Variants in CPED1 observed in about 807,000 individuals in gnomAD.
CPED1 encodes the protein cadherin like and PC-esterase domain containing 1, also known as cadherin-like and PC-esterase domain-containing protein 1.
A neutral mutation model predicts 128.2 loss-of-function variants in CPED1; 114 were observed. The ratio of observed to expected loss-of-function variants is 0.89; its 90% CI spans 0.76 to 1.04. CPED1 has a LOEUF of 1.04. Among genes scored for constraint, CPED1 ranks in the 50% least tolerant of loss-of-function variants. The pLI, the probability that CPED1 is intolerant of heterozygous loss-of-function variation, is 0.00. For synonymous variants in CPED1, 462 were observed against 426.7 expected, an observed-to-expected ratio of 1.08 and a Z score of -1.02; for missense variants, 1,211 against 1,207.1, an observed-to-expected ratio of 1.00 and a Z score of -0.05.
intron 22 of CPED1, among the ~76,000 whole-genome samples, chr7:121,279,853 C>T (rs528526152): frequency 3.3e-5 from 5 of 152,202 alleles, no homozygotes; most frequent in South Asian, 2.1e-4. Flanking sequence ...GTAAAGTTGG[C>T]GTGTGAAGGG....
intron 21 of CPED1, among the ~76,000 whole-genome samples, chr7:121,267,688 AG>A (rs1174470857): frequency 6.6e-6 from 1 of 152,026 alleles, no homozygotes; most frequent in Non-Finnish European, 1.5e-5. Flanking sequence ...CAGTTCTTAT[AG>A]AAGATAGTAA....
At chr7:121,013,061 G>A (rs1792202328) in intron 2 of CPED1, among the ~76,000 whole-genome samples, 1 of 152,128 alleles carries the variant, frequency 6.6e-6, no homozygotes, top group Admixed American at 6.5e-5. Context: ...TGTGACATGG[G>A]GATTCTGGAT....
chr7:121,190,783 A>G (rs1431964297), intron 16 of CPED1, among the ~76,000 whole-genome samples: 1 of 152,158 alleles, frequency 6.6e-6, no homozygotes, highest in Non-Finnish European at 1.5e-5. Context: ...TTCAAATAAT[A>G]CAGTCTCTCA....
At chr7:121,105,840 G>A (rs1423603970) in intron 7 of CPED1, among the ~76,000 whole-genome samples, 2 of 151,936 alleles carry the variant, frequency 1.3e-5, no homozygotes, top group South Asian at 4.1e-4. Flanking sequence ...TTCCCAACTT[G>A]GTTCTATTAA....
chr7:121,075,700 G>A (rs911028669), intron 5 of CPED1, among the ~76,000 whole-genome samples: 1 of 152,212 alleles, frequency 6.6e-6, no homozygotes, highest in Non-Finnish European at 1.5e-5. Context: ...CTGACCTCAC[G>A]TGATCCACCC....
intron 5 of CPED1, among the ~76,000 whole-genome samples, chr7:121,075,860 A>G (rs1794111384): frequency 6.6e-6 from 1 of 151,994 alleles, no homozygotes; most frequent in Non-Finnish European, 1.5e-5. Flanking sequence ...TTCAACTTTG[A>G]GCTTTTTAAA....
intron 5 of CPED1, among the ~76,000 whole-genome samples, chr7:121,096,561 A>G (rs798933): frequency 0.32 from 48,994 of 152,046 alleles, 8,196 homozygotes; most frequent in Middle Eastern, 0.4. Context: ...GCAATTACAC[A>G]TACCAATACA....
At chr7:121,142,471 T>C (rs1391609449) in intron 16 of CPED1, among the ~76,000 whole-genome samples, 2 of 152,096 alleles carry the variant, frequency 1.3e-5, no homozygotes, top group Admixed American at 1.3e-4. Context: ...CTTGGATTTG[T>C]CCCTGGATCT....
chr7:121,236,468 GT>G (rs1798257644), intron 16 of CPED1, among the ~76,000 whole-genome samples: 1 of 152,052 alleles, frequency 6.6e-6, no homozygotes, highest in African/African-American at 2.4e-5. Flanking sequence ...TATTTTTAAA[GT>G]AAAACTTGCA....
At chr7:121,163,511 T>C (rs969457229) in intron 16 of CPED1, among the ~76,000 whole-genome samples, 8 of 152,232 alleles carry the variant, frequency 5.3e-5, no homozygotes, top group Non-Finnish European at 7.3e-5. Flanking sequence ...AGGCTGCTGC[T>C]TCTGCCTTTG....
intron 3 of CPED1, 104 bp from the exon 4 acceptor site, chr7:121,046,783 G>T: frequency 1.4e-6 from 1 of 708,220 alleles, no homozygotes; most frequent in Non-Finnish European, 2.3e-6. Flanking sequence ...ATTTACTTGT[G>T]TTTCAGAATT....
At position 121,295,899 on chromosome 7, in the gene CPED1, G is replaced by A; in HGVS notation, c.*247G>A. 2 of 364,358 alleles carry A rather than the reference G, an allele frequency of 5.5e-6. No individual in the cohort carries two copies. The highest frequency in any genetic ancestry group is 4.5e-5 in the South Asian group (1 of 22,026). The allele number at this position is 364,358 out of a possible 1,614,324, so 22.6% of individuals were successfully genotyped here. Reference sequence around the variant, plus strand: ...CAGTGAAAGATATACCTAGAGAAACGTTACTTGAAGCATAATTATTAACCA... The same window carrying A: ...CAGTGAAAGATATACCTAGAGAAACATTACTTGAAGCATAATTATTAACCA... On this transcript the variant is annotated 3_prime_UTR_variant, in exon 23 of 23. Coordinates refer to ENST00000310396, the MANE Select transcript of CPED1 (RefSeq NM_024913.5).
intron 16 of CPED1, among the ~76,000 whole-genome samples, chr7:121,171,637 C>T (rs1796650792): frequency 6.6e-6 from 1 of 152,130 alleles, no homozygotes; most frequent in Non-Finnish European, 1.5e-5. Flanking sequence ...GTTGAATCAT[C>T]TTTGTAAGTC....
At chr7:121,077,275 G>C (rs1368648173) in intron 5 of CPED1, among the ~76,000 whole-genome samples, 1 of 151,970 alleles carries the variant, frequency 6.6e-6, no homozygotes, top group Non-Finnish European at 1.5e-5. Context: ...TAGGTTTCTA[G>C]CCATCCATGA....
At chr7:121,054,087 TA>T (rs1793428620) in intron 4 of CPED1, among the ~76,000 whole-genome samples, 1 of 152,224 alleles carries the variant, frequency 6.6e-6, no homozygotes, top group Non-Finnish European at 1.5e-5. Flanking sequence ...GAATGATATT[TA>T]AAAACAAAGA....
intron 7 of CPED1, among the ~76,000 whole-genome samples, chr7:121,102,553 T>C (rs1794878581): frequency 6.6e-6 from 1 of 152,158 alleles, no homozygotes; most frequent in African/African-American, 2.4e-5. Context: ...CTCCGTTATA[T>C]GTCATCAAGG....
chr7:121,023,627 AAG>A (rs1229998472), intron 3 of CPED1, among the ~76,000 whole-genome samples: 1 of 152,188 alleles, frequency 6.6e-6, no homozygotes, highest in Non-Finnish European at 1.5e-5. Context: ...GCACGGGCAG[AAG>A]AGAGAAATAG....
intron 2 of CPED1, among the ~76,000 whole-genome samples, chr7:121,014,705 T>C (rs1317710550): frequency 6.6e-6 from 1 of 152,150 alleles, no homozygotes; most frequent in African/African-American, 2.4e-5. Context: ...ATGGACAGGT[T>C]GACTCACAGC....
chr7:121,068,849 T>A (rs1015541141), intron 5 of CPED1, among the ~76,000 whole-genome samples: 6 of 152,146 alleles, frequency 3.9e-5, no homozygotes, highest in Non-Finnish European at 7.4e-5. Context: ...TAAGTTGGAT[T>A]CCTAGGTATT....
Sources: gnomAD v4.1 joint callset for allele counts (sites outside exome capture counted in the v4.1 genomes callset) on GRCh38, gnomAD v4.1.1 for gene constraint, MANE v1.5 for transcripts, NCBI Gene and HGNC (gene_info 2026-07-23, HGNC 2026-07-21) for gene names.